Variants in MAML2 observed in about 807,000 individuals in gnomAD.
MAML2 encodes mastermind like transcriptional coactivator 2.
MAML2 carries 22 observed loss-of-function variants against 96.1 expected under a neutral mutation model. That is an observed-to-expected ratio of 0.23 (90% CI 0.16 to 0.33). MAML2 has a LOEUF of 0.33. MAML2 is among the 10% of genes least tolerant of loss of function. The pLI is 1.00. For synonymous variants in MAML2, 561 were observed against 521.3 expected (o/e 1.08, Z -1.04); for missense variants, 1,367 against 1,392.4 (o/e 0.98, Z 0.29).
At chr11:96,220,429 C>A (rs1862118744) in intron 1 of MAML2, among the ~76,000 whole-genome samples, 1 of 152,152 alleles carries the variant, frequency 6.6e-6, no homozygotes, top group African/African-American at 2.4e-5. Flanking sequence ...TCAGAGTCAG[C>A]ACATGCTTCC....
rs146197867 is a variant in MAML2, at chr11:96,280,781, T to A, written c.513+60602A>T. Among the ~76,000 whole-genome samples the A allele has an allele frequency of 3.1e-3, 470 of 152,360 alleles. 4 individuals are homozygous for A. The highest frequency in any genetic ancestry group is 5.0e-3 in the Non-Finnish European group (338 of 68,032). On this transcript the variant is annotated intron_variant, in intron 1 of 4. Transcript: ENST00000524717. The stretch of plus-strand genomic sequence containing the variant: ...GTGGTAGCTAAAAGTCCTTTCCCTC[T>A]GGTGTTGTTATTTGGTTAAATTGAT...
chr11:96,179,161 C>A (rs1861443853), intron 1 of MAML2, among the ~76,000 whole-genome samples: 1 of 152,168 alleles, frequency 6.6e-6, no homozygotes, highest in Non-Finnish European at 1.5e-5. Flanking sequence ...AATGACCTTA[C>A]CTTCCAAACA....
At chr11:96,105,438 G>T (rs893389051) in intron 1 of MAML2, among the ~76,000 whole-genome samples, 7 of 152,200 alleles carry the variant, frequency 4.6e-5, no homozygotes, top group Admixed American at 3.9e-4. Context: ...AACTGGTTTG[G>T]ATACAATCAC....
At chr11:96,070,947 G>A (rs1363950217) in intron 2 of MAML2, among the ~76,000 whole-genome samples, 3 of 152,212 alleles carry the variant, frequency 2.0e-5, no homozygotes, top group Non-Finnish European at 4.4e-5. Context: ...GTGTATCTCT[G>A]TCTTCACTGG....
chr11:96,000,646 C>A (rs987580522), intron 2 of MAML2, among the ~76,000 whole-genome samples: 2 of 152,204 alleles, frequency 1.3e-5, no homozygotes, highest in Non-Finnish European at 2.9e-5. Context: ...AATCTGTTTA[C>A]ATTAGCCTTC....
chr11:95,985,042 T>C (rs1857804448), intron 4 of MAML2, among the ~76,000 whole-genome samples: 1 of 152,216 alleles, frequency 6.6e-6, no homozygotes, highest in South Asian at 2.1e-4. Context: ...AGTTCACCTT[T>C]GGTGTTTTTG....
Position 96,026,595 on chromosome 11 carries a change from T to C in MAML2, c.2140-34872A>G, listed in dbSNP as rs186983794. Among the ~76,000 whole-genome samples the C allele has an allele frequency of 2.6e-3, 395 of 152,322 alleles. 3 individuals are homozygous for C. Among genetic ancestry groups the C allele is most frequent in the African/African-American group, 9.0e-3 (372 of 41,562 alleles). On this transcript the variant is annotated intron_variant, in intron 2 of 4. Coordinates refer to ENST00000524717, the MANE Select transcript of MAML2 (RefSeq NM_032427.4). ...GCTGTAAATCTCCCCCTATTCTTTA[T>C]GTAACCCTCTCTACAGGGTTTCCTT...
chr11:96,266,420 A>T (rs898086314), intron 1 of MAML2, among the ~76,000 whole-genome samples: 1 of 151,924 alleles, frequency 6.6e-6, no homozygotes, highest in Non-Finnish European at 1.5e-5. Flanking sequence ...AATACAAAAA[A>T]ATTAGCTGGG....
intron 2 of MAML2, among the ~76,000 whole-genome samples, chr11:95,992,514 A>G (rs1187597075): frequency 6.9e-6 from 1 of 145,040 alleles, no homozygotes; most frequent in African/African-American, 2.6e-5. Context: ...ATTCTCATTA[A>G]TTCCCAATGA....
At chr11:96,268,757 A>C (rs893887612) in intron 1 of MAML2, among the ~76,000 whole-genome samples, 1 of 146,034 alleles carries the variant, frequency 6.8e-6, no homozygotes, top group Non-Finnish European at 1.5e-5. Context: ...TATAAAGGGG[A>C]GTTCCCCTGC....
chr11:96,297,449 C>A (rs778632571), intron 1 of MAML2, among the ~76,000 whole-genome samples: 8 of 152,092 alleles, frequency 5.3e-5, no homozygotes, highest in African/African-American at 1.4e-4. Flanking sequence ...GTGGTGCATG[C>A]CTGTATTCCC....
At chr11:96,313,782 G>A (rs1186001808) in intron 1 of MAML2, among the ~76,000 whole-genome samples, 4 of 152,048 alleles carry the variant, frequency 2.6e-5, no homozygotes, top group African/African-American at 9.7e-5. Context: ...TGAATAAAAA[G>A]ACAAATATAC....
intron 2 of MAML2, among the ~76,000 whole-genome samples, chr11:96,058,294 T>TTTTGTTTC (rs1859100559): frequency 6.6e-6 from 1 of 150,996 alleles, no homozygotes; most frequent in Non-Finnish European, 1.5e-5. Context: ...TCCAAGCAGT[T>TTTTGTTTC]TTTGTTTGTT....
intron 1 of MAML2, among the ~76,000 whole-genome samples, chr11:96,212,077 T>C (rs1362426585): frequency 1.3e-5 from 2 of 150,786 alleles, no homozygotes; most frequent in African/African-American, 4.9e-5. Flanking sequence ...CTGAGAATGC[T>C]TGATTAATTT....
chr11:96,248,253 C>G (rs1242928495), intron 1 of MAML2, among the ~76,000 whole-genome samples: 2 of 151,654 alleles, frequency 1.3e-5, no homozygotes, highest in Non-Finnish European at 2.9e-5. Context: ...GCTGGGACTA[C>G]AGGCACCTGC....
chr11:96,092,942 C>T lies in MAML2; in HGVS notation c.1089G>A (p.Val363=), dbSNP rs1356472794. The part of the protein sequence containing the change: ...PRPSLPMEKI[V]IKSEYSPGLT... ...AGCCCGGTGAGTATTCACTTTTGATCACTATTTTCTCCATGGGTAAGGAGG... is the reference window on the plus strand; with the variant it reads ...AGCCCGGTGAGTATTCACTTTTGATTACTATTTTCTCCATGGGTAAGGAGG... The change falls in exon 2 of 5, where the codon GTG becomes GTA. Residue 363 remains valine (V), a synonymous_variant. Coordinates refer to ENST00000524717, the MANE Select transcript of MAML2 (RefSeq NM_032427.4). This position sits in a 1 kb window ranked among gnomAD's most constrained non-coding sequence, Gnocchi z 4.1. The T allele has an allele frequency of 6.2e-7, 1 of 1,611,454 alleles. No homozygotes were observed. Among genetic ancestry groups the T allele is most frequent in the East Asian group, 2.2e-5 (1 of 44,864 alleles).
At chr11:95,990,514 A>G (rs182811664) in intron 3 of MAML2, among the ~76,000 whole-genome samples, 8 of 152,300 alleles carry the variant, frequency 5.3e-5, no homozygotes, top group Non-Finnish European at 1.0e-4. Flanking sequence ...TCTTTCTGAA[A>G]TCATTTCTAG....
chr11:96,107,574 G>A (rs568181209), intron 1 of MAML2, among the ~76,000 whole-genome samples: 39 of 152,278 alleles, frequency 2.6e-4, no homozygotes, highest in African/African-American at 8.9e-4. Context: ...TTCTTTGTAA[G>A]CTAATGAGAT....
At chr11:95,985,402 A>G (rs939348157) in intron 4 of MAML2, 129 bp downstream of exon 4, 2 of 607,102 alleles carry the variant, frequency 3.3e-6, no homozygotes, top group African/African-American at 3.8e-5. Flanking sequence ...CTTGGCATGA[A>G]AGTCAAATGG....
Sources: gnomAD v4.1 joint callset for allele counts (sites outside exome capture counted in the v4.1 genomes callset) on GRCh38, gnomAD v4.1.1 for gene constraint, Gnocchi (gnomAD v3.1) non-coding constraint, MANE v1.5 for transcripts, NCBI Gene and HGNC (gene_info 2026-07-23, HGNC 2026-07-21) for gene names.